The following EYS variants were observed in gnomAD, a reference collection of about 807,000 sequenced individuals.
EYS encodes the protein EGF-like photoreceptor maintenance factor.
A neutral mutation model predicts 282.1 loss-of-function variants in EYS; 250 were observed. The observed-to-expected ratio is 0.89, with a 90% CI of 0.80 to 0.98. The LOEUF (loss-of-function observed/expected upper bound fraction) is 0.98, where lower values mean the gene tolerates loss of function less well. EYS is among the 50% of genes least tolerant of loss of function. EYS has a pLI of 0.00. For synonymous variants in EYS, 1,355 were observed against 1,282.9 expected (o/e 1.06, Z -1.20); for missense variants, 4,016 against 3,709.0 (o/e 1.08, Z -2.15).
chr6:64,652,540 T>C (rs1182471782), intron 22 of EYS, among the ~76,000 whole-genome samples: 1 of 152,214 alleles, frequency 6.6e-6, no homozygotes, highest in Admixed American at 6.5e-5. Flanking sequence ...AGAGAGAAAC[T>C]ACAACCCCAA....
At position 64,308,254 on chromosome 6, in the gene EYS, A is replaced by G. The variant is rs558322922; in HGVS notation, c.6079-1172T>C. Among the ~76,000 whole-genome samples the G allele has an allele frequency of 6.6e-4, 101 of 152,212 alleles. 1 individual carries two copies. Among genetic ancestry groups the G allele is most frequent in the Non-Finnish European group, 5.9e-5 (4 of 67,928 alleles). On this transcript the variant is annotated intron_variant, in intron 29 of 42. Coordinates refer to ENST00000503581, the MANE Select transcript of EYS (RefSeq NM_001142800.2). Reference sequence around the variant, plus strand: ...TGTCCTCCTTAGGAATAAGTTGGGGAAAAATGATAACAAAAAGATACTAAG... The same window carrying G: ...TGTCCTCCTTAGGAATAAGTTGGGGGAAAATGATAACAAAAAGATACTAAG...
intron 2 of EYS, among the ~76,000 whole-genome samples, chr6:65,544,977 G>A (rs1023925232): frequency 5.3e-5 from 8 of 152,102 alleles, no homozygotes; most frequent in Non-Finnish European, 1.5e-5. Flanking sequence ...AAAGTTTTAT[G>A]TAAAAAGTTA....
At chr6:64,470,051 C>T (rs1776072081) in intron 26 of EYS, among the ~76,000 whole-genome samples, 1 of 152,182 alleles carries the variant, frequency 6.6e-6, no homozygotes, top group African/African-American at 2.4e-5. Context: ...CCTTACCTAT[C>T]ACTGGAGATG....
chr6:64,863,988 T>C (rs1766332673), intron 19 of EYS, among the ~76,000 whole-genome samples: 1 of 152,234 alleles, frequency 6.6e-6, no homozygotes, highest in African/African-American at 2.4e-5. Context: ...TTTTGGAAAC[T>C]AGCTTAGAAA....
chr6:64,569,026 GAAAAAAAA>G (rs4034162), intron 26 of EYS, among the ~76,000 whole-genome samples: 3 of 101,728 alleles, frequency 2.9e-5, no homozygotes, highest in African/African-American at 7.7e-5. Context: ...AGATGGAAAA[GAAAAAAAA>G]AAAAAAAAAA....
intron 12 of EYS, among the ~76,000 whole-genome samples, chr6:65,179,488 C>A (rs1765316558): frequency 6.6e-6 from 1 of 152,126 alleles, no homozygotes; most frequent in African/African-American, 2.4e-5. Context: ...TCGACACATA[C>A]ATCCTCTCAA....
At chr6:65,222,451 C>T (rs190354926) in intron 12 of EYS, among the ~76,000 whole-genome samples, 13 of 152,268 alleles carry the variant, frequency 8.5e-5, no homozygotes, top group Admixed American at 2.6e-4. Context: ...GACATCCCTT[C>T]GCTTTTCCTT....
intron 41 of EYS, among the ~76,000 whole-genome samples, chr6:63,743,313 C>T (rs1769130443): frequency 6.6e-6 from 1 of 152,198 alleles, no homozygotes; most frequent in Non-Finnish European, 1.5e-5. Context: ...GTGATTCAGA[C>T]AACCTCTGAC....
chr6:65,066,811 T>C (rs1773759165), intron 12 of EYS, among the ~76,000 whole-genome samples: 1 of 152,186 alleles, frequency 6.6e-6, no homozygotes, highest in Non-Finnish European at 1.5e-5. Context: ...AGTTACATAT[T>C]GCATTGTGAA....
intron 29 of EYS, among the ~76,000 whole-genome samples, chr6:64,312,102 C>T (rs111881093): frequency 0.019 from 2,935 of 152,010 alleles, 80 homozygotes; most frequent in African/African-American, 0.059. Flanking sequence ...CCCACCCCAA[C>T]GGAGCCCAAC....
chr6:65,466,640 G>A (rs1765011181), intron 5 of EYS, among the ~76,000 whole-genome samples: 1 of 152,014 alleles, frequency 6.6e-6, no homozygotes, highest in Non-Finnish European at 1.5e-5. Context: ...AGATTTGGGG[G>A]TTGATCAAGG....
intron 26 of EYS, among the ~76,000 whole-genome samples, chr6:64,515,469 T>A (rs1408755346): frequency 1.3e-5 from 2 of 151,446 alleles, no homozygotes; most frequent in Non-Finnish European, 3.0e-5. Context: ...TAAATGTTAG[T>A]ACTATTAAAA....
chr6:64,860,672 C>T (rs929101583), intron 19 of EYS, among the ~76,000 whole-genome samples: 1 of 152,210 alleles, frequency 6.6e-6, no homozygotes, highest in Non-Finnish European at 1.5e-5. Flanking sequence ...TTGTTGCCTG[C>T]AACATGGTGA....
chr6:64,171,690 T>TAA, intron 31 of EYS, among the ~76,000 whole-genome samples: 1 of 152,298 alleles, frequency 6.6e-6, no homozygotes, highest in Non-Finnish European at 1.5e-5. Context: ...TAACAGAAAT[T>TAA]ATTGTCTTAG....
At chr6:64,125,177 G>GCGCGCGCGCTCTCTCTCTCTCTCTCT in intron 31 of EYS, among the ~76,000 whole-genome samples, 1 of 134,386 alleles carries the variant, frequency 7.4e-6, no homozygotes, top group African/African-American at 2.9e-5. Flanking sequence ...TCTCTCTCTC[G>GCGCGCGCGCTCTCTCTCTCTCTCTCT]CTCTCTCTCT....
At chr6:65,664,396 C>A (rs146866523) in intron 1 of EYS, among the ~76,000 whole-genome samples, 2,933 of 152,136 alleles carry the variant, frequency 0.019, 48 homozygotes, top group Non-Finnish European at 0.03. Context: ...ATCCAGGATA[C>A]AAAACCCATG....
In EYS at chr6:63,894,916, G is replaced by A. The variant is rs202040168; in HGVS notation, c.7056-30558C>T. ...CCTGTTGTTTTAAGCCACTCAGTTT[G>A]TGGTACTTTGTTATGGCAGCCCCAG... On this transcript the variant is annotated intron_variant, in intron 35 of 42. Coordinates refer to ENST00000503581, the MANE Select transcript of EYS (RefSeq NM_001142800.2). Among the ~76,000 whole-genome samples the A allele has an allele frequency of 1.1e-4, 17 of 152,134 alleles. No individual in the cohort carries two copies. The East Asian group carries it at 2.7e-3, about 24-fold the overall frequency.
At chr6:64,385,661 A>G (rs997124117) in intron 29 of EYS, among the ~76,000 whole-genome samples, 1 of 152,202 alleles carries the variant, frequency 6.6e-6, no homozygotes, top group Non-Finnish European at 1.5e-5. Flanking sequence ...TCTTTCTGCA[A>G]TTTCAAAACT....
intron 12 of EYS, among the ~76,000 whole-genome samples, chr6:65,110,841 T>C (rs6935872): frequency 6.6e-6 from 1 of 151,866 alleles, no homozygotes; most frequent in Admixed American, 6.6e-5. Context: ...ATTAAATCAA[T>C]TAATGCCATG....
Sources: gnomAD v4.1 joint callset for allele counts (sites outside exome capture counted in the v4.1 genomes callset) on GRCh38, gnomAD v4.1.1 for gene constraint, MANE v1.5 for transcripts, NCBI Gene and HGNC (gene_info 2026-07-23, HGNC 2026-07-21) for gene names.